CLSPN: variants seen among roughly 807,000 people sequenced by gnomAD.
The protein encoded by CLSPN is claspin.
A neutral mutation model predicts 156.3 loss-of-function variants in CLSPN; 85 were observed. The ratio of observed to expected loss-of-function variants is 0.54; its 90% CI spans 0.46 to 0.65. The LOEUF is 0.65. Ranked by LOEUF, CLSPN falls within the 30% of genes least tolerant of loss-of-function variation. The pLI, the probability that CLSPN is intolerant of heterozygous loss-of-function variation, is 0.00. For synonymous variants in CLSPN, 534 were observed against 542.4 expected, an observed-to-expected ratio of 0.98 and a Z score of 0.22; for missense variants, 1,407 against 1,554.9, an observed-to-expected ratio of 0.90 and a Z score of 1.60.
At chr1:35,750,930 A>G (rs1243583828) in intron 10 of CLSPN, among the ~76,000 whole-genome samples, 1 of 151,848 alleles carries the variant, frequency 6.6e-6, no homozygotes, top group Non-Finnish European at 1.5e-5. Flanking sequence ...ACAAAGATAA[A>G]ATTTCCTACG....
exon 25 of CLSPN, chr1:35,720,876 T>G: frequency 6.3e-7 from 1 of 1,596,922 alleles, no homozygotes; most frequent in East Asian, 2.2e-5. Context: ...CTCTTTGGAC[T>G]CTGTCTCTCC....
At chr1:35,737,854 T>A (rs1641529661) in intron 22 of CLSPN, 138 bp downstream of exon 22, 1 of 466,724 alleles carries the variant, frequency 2.1e-6, no homozygotes, top group African/African-American at 2.0e-5. Flanking sequence ...TCCCACCACC[T>A]CTGTGAAGCC....
chr1:35,725,662 A>C (rs1641165771), intron 24 of CLSPN, among the ~76,000 whole-genome samples: 1 of 151,982 alleles, frequency 6.6e-6, no homozygotes, highest in Admixed American at 6.6e-5. Context: ...CCCCCAGCAC[A>C]AAGGGCCAGC....
rs1251417705 is a variant in CLSPN, at chr1:35,746,679, T to C, written c.2854+87A>G. Reference sequence around the variant, plus strand: ...TCCCAAAGTTCTAGGATTACAGGCATGAGCCACCCCACCCGCCCAGGGAAT... The same window carrying C: ...TCCCAAAGTTCTAGGATTACAGGCACGAGCCACCCCACCCGCCCAGGGAAT... On this transcript the variant is annotated intron_variant, in intron 15 of 24. Transcript: ENST00000318121. This position sits in a 1 kb window ranked among gnomAD's most constrained non-coding sequence, Gnocchi z 4.2. The C allele has an allele frequency of 5.6e-6, 5 of 895,854 alleles. No homozygotes were observed. The highest frequency in any genetic ancestry group is 3.3e-5 in the African/African-American group (2 of 61,050). 55.5% of individuals were successfully genotyped at this position (895,854 alleles called of 1,614,324 possible).
Position 35,734,962 on chromosome 1 carries a change from TGG to T in CLSPN, c.*1532_*1533del. Reference sequence around the variant, plus strand: ...GTAGTTCAGGGAAAATGGAGAATGATGGCAATTCTCTTCAATAATATTTTTAT... The same window carrying T: ...GTAGTTCAGGGAAAATGGAGAATGATCAATTCTCTTCAATAATATTTTTAT... On this transcript the variant is annotated 3_prime_UTR_variant, in exon 25 of 25. Coordinates refer to ENST00000318121, the MANE Select transcript of CLSPN (RefSeq NM_022111.4). 1.0e-6 allele frequency: 1 copy of T among 985,420 alleles called. No homozygotes were observed. The highest frequency in any genetic ancestry group is 1.2e-6 in the Non-Finnish European group (1 of 829,878). The allele number at this position is 985,420 out of a possible 1,614,324, so 61.0% of individuals were successfully genotyped here. A position where few individuals can be genotyped will look rare whatever the true frequency, so the allele number is the denominator to read the frequency against.
intron 1 of CLSPN, among the ~76,000 whole-genome samples, 154 bp downstream of exon 1, chr1:35,769,693 G>A (rs1642800253): frequency 6.6e-6 from 1 of 152,200 alleles, no homozygotes; most frequent in Admixed American, 6.5e-5. Flanking sequence ...CATCCCGGCC[G>A]AGTCTCGAGG....
intron 1 of CLSPN, among the ~76,000 whole-genome samples, chr1:35,769,041 A>C (rs1642771420): frequency 6.6e-6 from 1 of 152,242 alleles, no homozygotes; most frequent in African/African-American, 2.4e-5. Context: ...GAGGTGATTG[A>C]GGCAAGGTCG....
chr1:35,762,116 C>A (rs1642501079), intron 5 of CLSPN, 46 bp from the exon 6 acceptor site: 1 of 1,340,368 alleles, frequency 7.5e-7, no homozygotes, highest in Admixed American at 1.7e-5. Context: ...TATGAATATC[C>A]AGAAAGATAG....
At chr1:35,767,095 T>G (rs560681366) in intron 1 of CLSPN, among the ~76,000 whole-genome samples, 1 of 152,264 alleles carries the variant, frequency 6.6e-6, no homozygotes, top group Non-Finnish European at 1.5e-5. Context: ...TGTATGTATA[T>G]CTTAAAATAC....
chr1:35,743,717 G>C, intron 16 of CLSPN, 187 bp from the exon 17 acceptor site: 1 of 577,228 alleles, frequency 1.7e-6, no homozygotes, highest in South Asian at 2.2e-5. Flanking sequence ...TCCACCTCCA[G>C]GGCTCAAGTG....
At chr1:35,744,831 G>T (rs1451442199) in intron 16 of CLSPN, among the ~76,000 whole-genome samples, 1 of 152,034 alleles carries the variant, frequency 6.6e-6, no homozygotes, top group Non-Finnish European at 1.5e-5. Context: ...TATTTATTTT[G>T]AGACGGAGTT....
At chr1:35,738,348 T>G in intron 21 of CLSPN, 107 bp downstream of exon 21, 1 of 1,171,496 alleles carries the variant, frequency 8.5e-7, no homozygotes. Context: ...GATAGCAATA[T>G]GTTGCCTAAG....
At position 35,735,045 on chromosome 1, in the gene CLSPN, T is replaced by C; in HGVS notation, c.*1451A>G. 1 of 985,432 alleles carries C rather than the reference T, an allele frequency of 1.0e-6. No homozygotes were observed. The highest frequency in any genetic ancestry group is 1.2e-6 in the Non-Finnish European group (1 of 829,924). The allele number at this position is 985,432 out of a possible 1,614,324, so 61.0% of individuals were successfully genotyped here. ...AGTAATGAAATGCTGAAATGTCCAT[T>C]GATTAGTGAGGGCAATGTATGTAAG... On this transcript the variant is annotated 3_prime_UTR_variant, in exon 25 of 25. Coordinates refer to ENST00000318121, the MANE Select transcript of CLSPN (RefSeq NM_022111.4).
chr1:35,730,147 A>G (rs1641279663), downstream of CLSPN, among the ~76,000 whole-genome samples: 1 of 152,226 alleles, frequency 6.6e-6, no homozygotes, highest in Non-Finnish European at 1.5e-5. Context: ...ACATTTTTCA[A>G]CAAAACGGAT....
At position 35,762,410 on chromosome 1, in the gene CLSPN, C is replaced by T. The variant is rs143309599; in HGVS notation, c.816G>A (p.Thr272=). The stretch of plus-strand genomic sequence containing the variant: ...ATACAGGGCTCTACCTCACCTTCCT[C>T]GTGGTTCCTTTTGATAACTCACTTC... The part of the protein sequence containing the change: ...EEGSELSKGT[T]RKERKAARLS... Residue 272 remains threonine, a synonymous_variant, in exon 5 of 25, where the codon ACG becomes ACA. Coordinates refer to ENST00000318121, the MANE Select transcript of CLSPN (RefSeq NM_022111.4). The T allele has an allele frequency of 1.5e-4, 240 of 1,613,366 alleles. No individual in the cohort carries two copies. The highest frequency in any genetic ancestry group is 1.9e-4 in the Non-Finnish European group (226 of 1,179,368).
At chr1:35,720,282 G>A (rs11581629) in exon 25 of CLSPN, 3 of 152,010 alleles carry the variant, frequency 2.0e-5, no homozygotes. Context: ...AGAAGGAGAA[G>A]GCAGAAGTAA....
At chr1:35,740,182 A>T (rs1040153596) in intron 18 of CLSPN, among the ~76,000 whole-genome samples, 1 of 152,184 alleles carries the variant, frequency 6.6e-6, no homozygotes, top group East Asian at 1.9e-4. Context: ...GAAAGGTAAT[A>T]AACTGGGATC....
At position 35,738,564 on chromosome 1, in the gene CLSPN, T is replaced by A; in HGVS notation, c.3449A>T (p.Asp1150Val). ...ATCATCAGAGTCTCTGTGGAACAAG[T>A]CCATCTGGGAAGCATCATCTAAACA... ...WKNIDDASQM[D>V]LFHRDSDDDQ... Residue 1150 changes from aspartate (D) to valine (V), a missense_variant, in exon 21 of 25, where the codon GAC becomes GTC. Asp to Val is a radical substitution (Grantham distance 152). Around this residue, in one of 3 missense-constraint regions of CLSPN, gnomAD observed 241 missense variants for 240.5 expected, o/e 1.00. Transcript: ENST00000318121. The A allele has an allele frequency of 6.2e-7, 1 of 1,613,970 alleles. No individual in the cohort carries two copies. Among genetic ancestry groups the A allele is most frequent in the Non-Finnish European group, 8.5e-7 (1 of 1,179,936 alleles).
intron 8 of CLSPN, 71 bp downstream of exon 8, chr1:35,760,271 G>A (rs139685399): frequency 1.7e-5 from 21 of 1,229,190 alleles, no homozygotes; most frequent in African/African-American, 6.1e-5. Context: ...CTCTGTCCTC[G>A]ACAGTAGTCA....
Sources: allele counts gnomAD v4.1 joint callset (sites outside exome capture counted in the v4.1 genomes callset), GRCh38; gene constraint gnomAD v4.1.1; regional missense constraint gnomAD v4.1.1; non-coding constraint Gnocchi (gnomAD v3.1); transcripts MANE v1.5; gene names NCBI Gene and HGNC (gene_info 2026-07-23, HGNC 2026-07-21).